The following GUF1 variants were observed in gnomAD, a reference collection of about 807,000 sequenced individuals.
The protein encoded by GUF1 is translation factor GUF1, mitochondrial.
Under a neutral mutation model 82.4 loss-of-function variants are expected in GUF1, and 78 were observed. The observed-to-expected ratio is 0.95, with a 90% CI of 0.79 to 1.14. The LOEUF is 1.14. GUF1 is among the 50% of genes most tolerant of loss of function. The pLI is 0.00. For synonymous variants in GUF1, 279 were observed against 282.3 expected, an observed-to-expected ratio of 0.99 and a Z score of 0.12; for missense variants, 814 against 798.2, an observed-to-expected ratio of 1.02 and a Z score of -0.24.
chr4:44,695,537 G>T, intron 14 of GUF1, 78 bp from the exon 15 acceptor site: 1 of 1,259,696 alleles, frequency 7.9e-7, no homozygotes, highest in South Asian at 1.4e-5. Context: ...CCTTTACACT[G>T]ATTATGCAAC....
At chr4:44,698,295 A>G (rs1008707612) in intron 16 of GUF1, among the ~76,000 whole-genome samples, 2 of 152,114 alleles carry the variant, frequency 1.3e-5, no homozygotes, top group African/African-American at 4.8e-5. Flanking sequence ...AAGGAGATTG[A>G]TAATTCTTCC....
At chr4:44,691,642 C>G (rs1185059651) in intron 12 of GUF1, 24 bp from the exon 13 acceptor site, 12 of 1,569,422 alleles carry the variant, frequency 7.6e-6, no homozygotes, top group Non-Finnish European at 9.6e-6. Context: ...ATCATTAAAC[C>G]CATTTTCTTC....
rs1715076989 is a variant in GUF1 at position 44,686,679 on chromosome 4, G to C, written c.904G>C (p.Val302Leu). ...QKTYEVNEVG[V>L]LNPNEQPTHK... ...GACATACGAAGTTAATGAAGTAGGA[G>C]TCTTGAATCCTAATGAGCAGCCAAC... Residue 302 changes from valine to leucine, a missense_variant, in exon 8 of 17, where the codon GTC becomes CTC. Physicochemically the swap from Val to Leu is conservative, Grantham distance 32 (BLOSUM62 1). Transcript: ENST00000281543. The C allele has an allele frequency of 3.1e-6, 5 of 1,610,238 alleles. No homozygotes were observed. The highest frequency in any genetic ancestry group is 4.2e-6 in the Non-Finnish European group (5 of 1,177,010).
At chr4:44,696,851 T>C (rs1024825567) in intron 15 of GUF1, among the ~76,000 whole-genome samples, 1 of 152,120 alleles carries the variant, frequency 6.6e-6, no homozygotes, top group African/African-American at 2.4e-5. Flanking sequence ...CCTTAAAAAA[T>C]TGGTTTTTCT....
chr4:44,689,227 G>A lies in GUF1; in HGVS notation c.1079-59G>A, dbSNP rs189074193. The A allele has an allele frequency of 1.7e-4, 245 of 1,402,282 alleles. 1 individual carries two copies. Among genetic ancestry groups the A allele is most frequent in the Non-Finnish European group, 7.5e-6 (8 of 1,065,328 alleles). The allele number at this position is 1,402,282 out of a possible 1,614,324, so 86.9% of individuals were successfully genotyped here. A position where few individuals can be genotyped will look rare whatever the true frequency, so the allele number is the denominator to read the frequency against. On this transcript the variant is annotated intron_variant, in intron 9 of 16. Coordinates refer to ENST00000281543, the MANE Select transcript of GUF1 (RefSeq NM_021927.3). ...TGGAACTTGGCAGCACTACACATGT[G>A]GTTTGATAGGTCTGTAGGCAGCTTA...
intron 15 of GUF1, among the ~76,000 whole-genome samples, chr4:44,695,982 C>G (rs1715794820): frequency 6.6e-6 from 1 of 152,076 alleles, no homozygotes; most frequent in Non-Finnish European, 1.5e-5. Context: ...GTTTTAATTT[C>G]CACTCATATC....
Position 44,689,778 on chromosome 4 carries a change from T to A in GUF1, c.1203-65T>A, listed in dbSNP as rs1335972341. On this transcript the variant is annotated intron_variant, in intron 10 of 16. Coordinates refer to ENST00000281543, the MANE Select transcript of GUF1 (RefSeq NM_021927.3). ...TCCCTTAAAGTAACAATATGTTCAT[T>A]AAAAAAAAAAAAAATGAAGCCCATG... 5.0e-5 allele frequency: 53 copies of A among 1,060,572 alleles called. No homozygotes were observed. The East Asian group carries it at 1.1e-3, about 22-fold the overall frequency. The allele number at this position is 1,060,572 out of a possible 1,614,324, so 65.7% of individuals were successfully genotyped here.
chr4:44,697,623 T>G (rs905093041), intron 16 of GUF1, among the ~76,000 whole-genome samples, 179 bp downstream of exon 16: 4 of 152,134 alleles, frequency 2.6e-5, no homozygotes, highest in Non-Finnish European at 5.9e-5. Flanking sequence ...CCATATCTTT[T>G]AAGTATTTTT....
At position 44,690,837 on chromosome 4, in the gene GUF1, G is replaced by A; in HGVS notation, c.1456G>A (p.Gly486Arg). ...GTIITPDEYT[G>R]KIMMLCEARR... ...TATTATCACACCAGATGAATACACT[G>A]GAAAAATAATGATGCTTTGCGAGGT... is the stretch of plus-strand genomic sequence containing the variant. The change falls in exon 12 of 17, where the codon GGA becomes AGA. Residue 486 changes from glycine to arginine, a missense_variant. Physicochemically the swap from Gly to Arg is moderately radical, Grantham distance 125. Transcript: ENST00000281543. 2 of 1,591,884 alleles carry A rather than the reference G, an allele frequency of 1.3e-6. No individual in the cohort carries two copies. Among genetic ancestry groups the A allele is most frequent in the Admixed American group, 1.7e-5 (1 of 57,770 alleles).
In GUF1 at chr4:44,698,866, AAT is replaced by A. The variant is rs1716029592; in HGVS notation, c.*188_*189del. 2 of 555,128 alleles carry A rather than the reference AAT, an allele frequency of 3.6e-6. No homozygotes were observed. Among genetic ancestry groups the A allele is most frequent in the Non-Finnish European group, 6.3e-6 (2 of 316,160 alleles). The allele number at this position is 555,128 out of a possible 1,614,324, so 34.4% of individuals were successfully genotyped here. On this transcript the variant is annotated 3_prime_UTR_variant, in exon 17 of 17. Coordinates refer to ENST00000281543, the MANE Select transcript of GUF1 (RefSeq NM_021927.3). ...TTTGAAGCCATGTTGCCTGTTCTCA[AAT>A]ATCTGTTCCAACCACTCACTAGTAA...
Position 44,678,784 on chromosome 4 carries a change from CA to C in GUF1, c.164del (p.Lys55ArgfsTer30). The C allele has an allele frequency of 6.4e-7, 1 of 1,551,636 alleles. No individual in the cohort carries two copies. Among genetic ancestry groups the C allele is most frequent in the Admixed American group, 2.1e-5 (1 of 48,204 alleles). On this transcript the variant is annotated frameshift_variant and splice_region_variant, in exon 1 of 17. Coordinates refer to ENST00000281543, the MANE Select transcript of GUF1 (RefSeq NM_021927.3). LOFTEE classifies it high-confidence loss of function. ...ACAGGCTCTACAGCTCCGCAGAATTCAAGGTGACTGCCCCCTGGAATCTGAT... is the reference window on the plus strand; with the variant it reads ...ACAGGCTCTACAGCTCCGCAGAATTCAGGTGACTGCCCCCTGGAATCTGAT... ...TDRLYSSAEFKEKLDMSRFPV... is the reference protein window; with the variant it reads ...TDRLYSSAEFXEKLDMSRFPV...
Position 44,678,630 on chromosome 4 carries a change from C to A in GUF1, c.8C>A (p.Thr3Asn). 6.8e-7 allele frequency: 1 copy of A among 1,461,316 alleles called. No homozygotes were observed. The highest frequency in any genetic ancestry group is 8.9e-7 in the Non-Finnish European group (1 of 1,118,126). The allele number at this position is 1,461,316 out of a possible 1,614,324, so 90.5% of individuals were successfully genotyped here. A position where few individuals can be genotyped will look rare whatever the true frequency, so the allele number is the denominator to read the frequency against. ...GCCTCCGCCGCCCGGGTCATGTGGA[C>A]CCTCGTGGGTCGGGGCTGGGGGTGC... MW[T>N]LVGRGWGCAR... The change falls in exon 1 of 17, where the codon ACC becomes AAC. Residue 3 changes from threonine to asparagine, a missense_variant. Transcript: ENST00000281543.
intron 15 of GUF1, among the ~76,000 whole-genome samples, chr4:44,696,848 A>C (rs1470630652): frequency 6.6e-6 from 1 of 152,176 alleles, no homozygotes; most frequent in Admixed American, 6.5e-5. Context: ...ATACCTTAAA[A>C]AATTGGTTTT....
intron 1 of GUF1, 99 bp downstream of exon 1, chr4:44,678,886 A>G: frequency 8.0e-7 from 1 of 1,247,936 alleles, no homozygotes; most frequent in Non-Finnish European, 1.1e-6. Flanking sequence ...CTAGCTCTGA[A>G]CCCTGCTTGC....
At chr4:44,694,650 CTTTT>C in intron 14 of GUF1, 137 bp downstream of exon 14, 1 of 597,532 alleles carries the variant, frequency 1.7e-6, no homozygotes, top group Non-Finnish European at 3.0e-6. Context: ...TTTGCTTTCT[CTTTT>C]TTTTCCACAC....
intron 13 of GUF1, among the ~76,000 whole-genome samples, chr4:44,693,632 T>C (rs747745992): frequency 2.6e-5 from 4 of 152,108 alleles, no homozygotes; most frequent in East Asian, 1.9e-4. Flanking sequence ...CAGGCACCAA[T>C]TGTTTTAAAA....
At chr4:44,684,391 T>TACTG (rs1714935934) in intron 6 of GUF1, among the ~76,000 whole-genome samples, 1 of 152,220 alleles carries the variant, frequency 6.6e-6, no homozygotes, top group East Asian at 1.9e-4. Flanking sequence ...TTGGCATGTT[T>TACTG]ACTGATCAGA....
At chr4:44,681,085 A>C in intron 3 of GUF1, 38 bp from the exon 4 acceptor site, 3 of 1,521,160 alleles carry the variant, frequency 2.0e-6, no homozygotes, top group Non-Finnish European at 1.8e-6. Flanking sequence ...CTAAAAAATT[A>C]ACTCACATTT....
rs202084820 is a variant in GUF1, at chr4:44,688,007, A to C, written c.939A>C (p.Leu313Phe). ...ATTTGCATATAATAATTTTATTTAG[A>C]TATGCAGGACAGGTGGGCTATCTGA... The part of the protein sequence containing the change: ...LNPNEQPTHK[L>F]YAGQVGYLIA... Residue 313 changes from leucine (L) to phenylalanine (F), a missense_variant and splice_region_variant, in exon 9 of 17, where the codon TTA (leucine) becomes TTC (phenylalanine). Coordinates refer to ENST00000281543, the MANE Select transcript of GUF1 (RefSeq NM_021927.3). 2.5e-6 allele frequency: 4 copies of C among 1,608,288 alleles called. No individual in the cohort carries two copies. The African/African-American group carries it at 4.0e-5, about 16-fold the overall frequency.
Sources: allele counts gnomAD v4.1 joint callset (sites outside exome capture counted in the v4.1 genomes callset), GRCh38; gene constraint gnomAD v4.1.1; transcripts MANE v1.5; gene names NCBI Gene and HGNC (gene_info 2026-07-23, HGNC 2026-07-21).